NAV3: variants seen among roughly 807,000 people sequenced by gnomAD.
The protein encoded by NAV3 is pore membrane and/or filament interacting like protein 1.
In NAV3, 87 loss-of-function variants were observed where a neutral mutation model predicts 244.7. The ratio of observed to expected loss-of-function variants is 0.36; its 90% CI spans 0.30 to 0.42. The LOEUF is 0.42. Ranked by LOEUF, NAV3 falls within the 20% of genes least tolerant of loss-of-function variation. The pLI is 1.00. For synonymous variants in NAV3, 1,126 were observed against 1,042.2 expected (o/e 1.08, Z -1.55); for missense variants, 2,663 against 2,893.3 (o/e 0.92, Z 1.83).
chr12:78,208,288 A>C (rs1302624809), intron 39 of NAV3, among the ~76,000 whole-genome samples: 2 of 152,054 alleles, frequency 1.3e-5, no homozygotes, highest in Non-Finnish European at 2.9e-5. Context: ...CTGACCCCTA[A>C]CCAGAATGCC....
chr12:78,171,623 G>T (rs565893749), intron 24 of NAV3, among the ~76,000 whole-genome samples: 2 of 151,512 alleles, frequency 1.3e-5, no homozygotes, highest in African/African-American at 4.8e-5. Context: ...TAAATTTAAT[G>T]AACACAAAGT....
intron 2 of NAV3, among the ~76,000 whole-genome samples, chr12:77,724,898 C>T (rs1876807648): frequency 6.6e-6 from 1 of 152,016 alleles, no homozygotes; most frequent in Non-Finnish European, 1.5e-5. Flanking sequence ...TCAAATCTTT[C>T]AAAAGTGAAT....
At chr12:78,147,853 T>A (rs1319439004) in intron 21 of NAV3, among the ~76,000 whole-genome samples, 3 of 152,008 alleles carry the variant, frequency 2.0e-5, no homozygotes, top group African/African-American at 7.2e-5. Context: ...GATTTGTTTT[T>A]GAAGAAATGA....
chr12:77,779,901 T>C (rs537997470), intron 2 of NAV3, among the ~76,000 whole-genome samples: 4 of 152,342 alleles, frequency 2.6e-5, no homozygotes, highest in African/African-American at 9.6e-5. Flanking sequence ...AACAGTTGAA[T>C]AGCTACAAGA....
At position 77,998,346 on chromosome 12, in the gene NAV3, G is replaced by GCCC. The variant is rs770730449; in HGVS notation, c.751_753dup (p.Pro251dup). 5 of 1,569,318 alleles carry GCCC rather than the reference G, an allele frequency of 3.2e-6. No homozygotes were observed. Among genetic ancestry groups the GCCC allele is most frequent in the Admixed American group, 4.0e-5 (2 of 50,078 alleles). On this transcript the variant is annotated inframe_insertion, in exon 7 of 40. Coordinates refer to ENST00000397909, the MANE Select transcript of NAV3 (RefSeq NM_001024383.2). ...TCTTATACTATTTCAGGCTTCCAGG[G>GCCC]CCCTCTAGGGTGCCTGCTGCAGGAA...
At chr12:78,025,674 T>C (rs1198552856) in intron 9 of NAV3, among the ~76,000 whole-genome samples, 1 of 149,012 alleles carries the variant, frequency 6.7e-6, no homozygotes, top group Non-Finnish European at 1.5e-5. Context: ...GGTGTTTGGA[T>C]CCCAGGGGCA....
At chr12:78,117,158 C>CATATATATAT (rs377148138) in intron 13 of NAV3, among the ~76,000 whole-genome samples, 187 of 70,280 alleles carry the variant, frequency 2.7e-3, no homozygotes, top group East Asian at 7.1e-3. Flanking sequence ...ACAGAAGCAG[C>CATATATATAT]ATATATATAT....
chr12:78,170,221 A>G (rs1465029471), intron 24 of NAV3, among the ~76,000 whole-genome samples: 1 of 151,718 alleles, frequency 6.6e-6, no homozygotes, highest in East Asian at 1.9e-4. Flanking sequence ...CTTCTGTCTC[A>G]GACCTGCTGC....
chr12:78,006,387 T>C (rs1300245260), intron 7 of NAV3, 32 bp from the exon 8 acceptor site: 2 of 1,584,646 alleles, frequency 1.3e-6, no homozygotes, highest in Admixed American at 3.5e-5. Flanking sequence ...ATTAATCGCC[T>C]TTTCTTTATT....
intron 24 of NAV3, among the ~76,000 whole-genome samples, chr12:78,171,658 C>T (rs1958004231): frequency 6.6e-6 from 1 of 151,446 alleles, no homozygotes; most frequent in South Asian, 2.1e-4. Context: ...TGACCATTGA[C>T]ATTACATGGA....
intron 2 of NAV3, among the ~76,000 whole-genome samples, chr12:77,808,258 C>T (rs1872089352): frequency 1.3e-5 from 2 of 152,088 alleles, no homozygotes; most frequent in Non-Finnish European, 2.9e-5. Flanking sequence ...AAGAAGCGTT[C>T]TGGTTTTTGG....
upstream of NAV3, among the ~76,000 whole-genome samples, chr12:77,828,064 C>T (rs1305329134): frequency 6.6e-6 from 1 of 152,098 alleles, no homozygotes; most frequent in Non-Finnish European, 1.5e-5. Context: ...TCCAAAAACT[C>T]ATGTTGAAAT....
intron 2 of NAV3, 28 bp downstream of exon 2, chr12:77,940,464 T>C: frequency 6.5e-7 from 1 of 1,548,396 alleles, no homozygotes; most frequent in Non-Finnish European, 8.9e-7. Flanking sequence ...AAAGAAAGCA[T>C]GAAAGTCTCT....
chr12:78,144,685 T>G (rs1430709018), intron 20 of NAV3, among the ~76,000 whole-genome samples: 1 of 151,194 alleles, frequency 6.6e-6, no homozygotes. Flanking sequence ...AAAAATGCGG[T>G]GAGTATATTT....
intron 23 of NAV3, among the ~76,000 whole-genome samples, chr12:78,161,612 T>C (rs1283140972): frequency 6.6e-6 from 1 of 152,126 alleles, no homozygotes; most frequent in Non-Finnish European, 1.5e-5. Context: ...TTTTATAATG[T>C]GTCTACATTA....
chr12:77,859,998 T>C (rs1879021624), intron 1 of NAV3, among the ~76,000 whole-genome samples: 1 of 151,870 alleles, frequency 6.6e-6, no homozygotes, highest in Non-Finnish European at 1.5e-5. Context: ...TTAAAATATT[T>C]CCCTGTATGT....
chr12:77,851,641 A>T (rs987985022), intron 1 of NAV3, among the ~76,000 whole-genome samples: 1 of 152,200 alleles, frequency 6.6e-6, no homozygotes, highest in African/African-American at 2.4e-5. Flanking sequence ...AGATCAACTA[A>T]GAAACAGGAA....
At chr12:78,168,371 T>C (rs1421089223) in intron 23 of NAV3, among the ~76,000 whole-genome samples, 1 of 151,848 alleles carries the variant, frequency 6.6e-6, no homozygotes, top group Non-Finnish European at 1.5e-5. Context: ...TACAATACAA[T>C]GCAACAGTGC....
intron 1 of NAV3, among the ~76,000 whole-genome samples, chr12:77,920,304 T>C (rs1198952306): frequency 6.6e-6 from 1 of 152,052 alleles, no homozygotes; most frequent in Non-Finnish European, 1.5e-5. Flanking sequence ...CCATGCTATA[T>C]ATTGTACTTA....
Sources: allele counts gnomAD v4.1 joint callset (sites outside exome capture counted in the v4.1 genomes callset), GRCh38; gene constraint gnomAD v4.1.1; transcripts MANE v1.5; gene names NCBI Gene and HGNC (gene_info 2026-07-23, HGNC 2026-07-21).